The following ASRGL1 variants were observed in gnomAD, a reference collection of about 807,000 sequenced individuals.
ASRGL1 encodes the protein isoaspartyl peptidase/L-asparaginase.
Under a neutral mutation model 22.4 loss-of-function variants are expected in ASRGL1, and 16 were observed. That is an observed-to-expected ratio of 0.71 (90% CI 0.48 to 1.08). ASRGL1 has a LOEUF of 1.08. Ranked by LOEUF, ASRGL1 falls within the 50% of genes least tolerant of loss-of-function variation. The pLI, the probability that ASRGL1 is intolerant of heterozygous loss-of-function variation, is 0.00. For synonymous variants in ASRGL1, 165 were observed against 159.3 expected (o/e 1.04, Z -0.27); for missense variants, 412 against 410.1 (o/e 1.00, Z -0.04).
rs1003936695 is a variant in ASRGL1 at position 62,372,332 on chromosome 11, C to T, written c.491+15188C>T. ...AGCTGGGCCTTGGCAACTAGACAGA[C>T]GCTGTCCCCAGCCCTGTGCAGATAA... On this transcript the variant is annotated intron_variant, in intron 4 of 6. Transcript: ENST00000415229. 5 of 1,591,592 alleles carry T rather than the reference C, an allele frequency of 3.1e-6. No homozygotes were observed. In the African/African-American group the frequency reaches 5.4e-5, roughly 17 times the overall value.
intron 2 of ASRGL1, among the ~76,000 whole-genome samples, chr11:62,353,486 GGT>G (rs1264147343): frequency 6.6e-6 from 1 of 151,372 alleles, no homozygotes; most frequent in Non-Finnish European, 1.5e-5. Context: ...TAGGCCTTTG[GGT>G]GTGTGCTACT....
intron 4 of ASRGL1, among the ~76,000 whole-genome samples, chr11:62,358,629 C>T (rs1043738748): frequency 6.6e-6 from 1 of 152,208 alleles, no homozygotes; most frequent in African/African-American, 2.4e-5. Context: ...ATACCATAAA[C>T]ACACAAAACA....
Position 62,356,966 on chromosome 11 carries a change from TCTCTTTTCTTTCTGGCTCAGACAC to T in ASRGL1, c.334-17_340del. 1 of 1,566,682 alleles carries T rather than the reference TCTCTTTTCTTTCTGGCTCAGACAC, an allele frequency of 6.4e-7. No homozygotes were observed. The highest frequency in any genetic ancestry group is 1.2e-5 in the South Asian group (1 of 82,656). On this transcript the variant is annotated splice_acceptor_variant and splice_polypyrimidine_tract_variant and coding_sequence_variant and intron_variant, in exon 4 of 7. Transcript: ENST00000415229. LOFTEE classifies it high-confidence loss of function. The stretch of plus-strand genomic sequence containing the variant: ...AAAATTTTCAAAAAAACAATCATTT[TCTCTTTTCTTTCTGGCTCAGACAC>T]CTCATTGCTTTCTGACTGACCAAGG...
chr11:62,340,667 T>C (rs956232360), intron 2 of ASRGL1, among the ~76,000 whole-genome samples: 1 of 152,088 alleles, frequency 6.6e-6, no homozygotes, highest in African/African-American at 2.4e-5. Context: ...ATTCCGCATA[T>C]TGAGGAAGAA....
At chr11:62,344,299 T>A (rs756654466) in intron 2 of ASRGL1, among the ~76,000 whole-genome samples, 7 of 152,218 alleles carry the variant, frequency 4.6e-5, no homozygotes, top group Non-Finnish European at 7.3e-5. Context: ...ATTCTAGATA[T>A]AGCTTTTATC....
rs1947361122 is a variant in ASRGL1 at position 62,392,339 on chromosome 11, CATGAGACATAGCCTAATCA to C, written c.*58_*76del. Reference sequence around the variant, plus strand: ...GCTTAGAGGTCAAGTACAGTCTCCTCATGAGACATAGCCTAATCAATTAGATCTAGAATTGGAAAAATTG... The same window carrying C: ...GCTTAGAGGTCAAGTACAGTCTCCTCATTAGATCTAGAATTGGAAAAATTG... On this transcript the variant is annotated 3_prime_UTR_variant, in exon 7 of 7. Transcript: ENST00000415229. 6 of 1,582,292 alleles carry C rather than the reference CATGAGACATAGCCTAATCA, an allele frequency of 3.8e-6. No individual in the cohort carries two copies. Among genetic ancestry groups the C allele is most frequent in the Non-Finnish European group, 5.2e-6 (6 of 1,153,328 alleles).
intron 4 of ASRGL1, among the ~76,000 whole-genome samples, chr11:62,368,374 G>C (rs1946672706): frequency 6.6e-6 from 1 of 152,098 alleles, no homozygotes; most frequent in Non-Finnish European, 1.5e-5. Context: ...GTGAACACTT[G>C]TGTATGCTTT....
intron 4 of ASRGL1, among the ~76,000 whole-genome samples, chr11:62,358,125 T>A (rs1187734295): frequency 6.6e-6 from 1 of 152,160 alleles, no homozygotes; most frequent in Non-Finnish European, 1.5e-5. Context: ...TCCCAGCACT[T>A]TGGGAGGCCG....
chr11:62,372,557 T>C (rs1480003936), intron 4 of ASRGL1: 18 of 911,828 alleles, frequency 2.0e-5, no homozygotes, highest in African/African-American at 1.5e-4. Context: ...GCCATCTTCA[T>C]TGAGAAGACA....
downstream of ASRGL1, among the ~76,000 whole-genome samples, chr11:62,397,083 G>A (rs1947440520): frequency 6.6e-6 from 1 of 152,144 alleles, no homozygotes; most frequent in African/African-American, 2.4e-5. Flanking sequence ...AGGCTGGAGT[G>A]CAGTGGCGCG....
chr11:62,388,419 C>A (rs911727650), intron 4 of ASRGL1, among the ~76,000 whole-genome samples: 1 of 152,130 alleles, frequency 6.6e-6, no homozygotes, highest in Non-Finnish European at 1.5e-5. Context: ...GTAACCCCAG[C>A]ACTTTGGGAG....
chr11:62,371,410 A>C, intron 4 of ASRGL1: 1 of 586,046 alleles, frequency 1.7e-6, no homozygotes, highest in Non-Finnish European at 3.0e-6. Flanking sequence ...CGAGCACACC[A>C]AGAAGCACGT....
At chr11:62,347,684 G>A (rs556969832) in intron 2 of ASRGL1, among the ~76,000 whole-genome samples, 4 of 151,888 alleles carry the variant, frequency 2.6e-5, no homozygotes, top group South Asian at 2.1e-4. Context: ...GCTCATGCCC[G>A]TAATCTCAGC....
rs895233425 is a variant in ASRGL1 at position 62,371,109 on chromosome 11, C to G, written c.491+13965C>G. On this transcript the variant is annotated intron_variant, in intron 4 of 6. Transcript: ENST00000415229. ...TCTCTTCCTTTTTTCTCTCTGGTTT[C>G]TCATCACTCCAACCAGCCGCAACCA... 4 of 737,112 alleles carry G rather than the reference C, an allele frequency of 5.4e-6. No homozygotes were observed. In the South Asian group the frequency reaches 8.0e-5, roughly 15 times the overall value. 45.7% of individuals were successfully genotyped at this position (737,112 alleles called of 1,614,324 possible). A position where few individuals can be genotyped will look rare whatever the true frequency, so the allele number is the denominator to read the frequency against.
intron 4 of ASRGL1, chr11:62,371,516 G>A: frequency 1.0e-5 from 7 of 693,826 alleles, no homozygotes; most frequent in Non-Finnish European, 1.8e-5. Context: ...CAGTATGCTT[G>A]GTAAAAGTCA....
chr11:62,339,845 C>G lies in ASRGL1; in HGVS notation c.190+1678C>G, dbSNP rs1229648776. Among the ~76,000 whole-genome samples the G allele has an allele frequency of 2.6e-5, 4 of 152,204 alleles. No homozygotes were observed. The East Asian group carries it at 7.7e-4, about 29-fold the overall frequency. ...ATCTAGGCTAGAGATTGAAATACTT[C>G]CTGGAATTATACCACCCATCTGTCA... On this transcript the variant is annotated intron_variant, in intron 2 of 6. Coordinates refer to ENST00000415229, the MANE Select transcript of ASRGL1 (RefSeq NM_001083926.2).
downstream of ASRGL1, among the ~76,000 whole-genome samples, chr11:62,394,014 T>C (rs1947397255): frequency 6.9e-6 from 1 of 145,144 alleles, no homozygotes; most frequent in South Asian, 2.1e-4. Flanking sequence ...ATTTATATAT[T>C]ATAATATATA....
chr11:62,398,743 T>C, the ASRGL1 span, among the ~76,000 whole-genome samples: 3,622 of 152,344 alleles, frequency 0.024, 54 homozygotes, highest in Non-Finnish European at 0.038. Flanking sequence ...GGCCTTTCTC[T>C]GTCAGGCCTC....
chr11:62,350,738 G>A (rs1226643346), intron 2 of ASRGL1, among the ~76,000 whole-genome samples: 5 of 152,188 alleles, frequency 3.3e-5, no homozygotes, highest in Non-Finnish European at 5.9e-5. Context: ...GTAGGTTGCA[G>A]TGAGCCAAGA....
Sources: gnomAD v4.1 joint callset for allele counts (sites outside exome capture counted in the v4.1 genomes callset) on GRCh38, gnomAD v4.1.1 for gene constraint, MANE v1.5 for transcripts, NCBI Gene and HGNC (gene_info 2026-07-23, HGNC 2026-07-21) for gene names.